The following CELF2 variants were observed in gnomAD, a reference collection of about 807,000 sequenced individuals.
The protein encoded by CELF2 is CUGBP Elav-like family member 2, also known as CUG triplet repeat RNA-binding protein 2.
CELF2 carries 8 observed loss-of-function variants against 62.6 expected under a neutral mutation model. The ratio of observed to expected loss-of-function variants is 0.13; its 90% CI spans 0.07 to 0.23. The LOEUF (loss-of-function observed/expected upper bound fraction) is 0.23. Ranked by LOEUF, CELF2 falls within the 10% of genes least tolerant of loss-of-function variation. The pLI, the probability that CELF2 is intolerant of heterozygous loss-of-function variation, is 1.00. For synonymous variants in CELF2, 258 were observed against 250.0 expected, an observed-to-expected ratio of 1.03 and a Z score of -0.30; for missense variants, 333 against 671.0, an observed-to-expected ratio of 0.50 and a Z score of 5.56.
chr10:10,603,006 A>G, the CELF2 span, among the ~76,000 whole-genome samples: 2 of 152,224 alleles, frequency 1.3e-5, no homozygotes, highest in South Asian at 2.1e-4. Flanking sequence ...GGGAAAGTAC[A>G]TTATGTTTAG....
chr10:11,035,046 C>G (rs1422720405), intron 1 of CELF2, among the ~76,000 whole-genome samples: 1 of 152,128 alleles, frequency 6.6e-6, no homozygotes, highest in African/African-American at 2.4e-5. Flanking sequence ...TTAAAAGTGT[C>G]CAAGTTTGGA....
the CELF2 span, among the ~76,000 whole-genome samples, chr10:10,499,189 C>T: frequency 6.6e-6 from 1 of 151,818 alleles, no homozygotes; most frequent in East Asian, 1.9e-4. Context: ...GCCTCAGCCT[C>T]CCAAGTAGCT....
the CELF2 span, among the ~76,000 whole-genome samples, chr10:10,656,444 C>T: frequency 1.5e-5 from 2 of 134,486 alleles, no homozygotes; most frequent in African/African-American, 5.5e-5. Flanking sequence ...CGGCATTATT[C>T]ACAATAGCAA....
chr10:11,055,641 G>A (rs1218422269), intron 1 of CELF2, among the ~76,000 whole-genome samples: 2 of 152,312 alleles, frequency 1.3e-5, no homozygotes, highest in African/African-American at 2.4e-5. Context: ...TTTCTGAAGT[G>A]GAAAGACATT....
the CELF2 span, among the ~76,000 whole-genome samples, chr10:10,694,954 G>C: frequency 6.6e-6 from 1 of 151,184 alleles, no homozygotes; most frequent in African/African-American, 2.5e-5. Flanking sequence ...GATGGGTCTT[G>C]ACTCTTTATC....
chr10:10,968,307 T>A (rs1022211213), intron 2 of CELF2, among the ~76,000 whole-genome samples: 4 of 152,214 alleles, frequency 2.6e-5, no homozygotes, highest in African/African-American at 4.8e-5. Flanking sequence ...TAGTTTTTCA[T>A]TTTCTATAAA....
the CELF2 span, among the ~76,000 whole-genome samples, chr10:10,791,743 C>A: frequency 6.6e-6 from 1 of 152,102 alleles, no homozygotes; most frequent in Non-Finnish European, 1.5e-5. Context: ...TGGACCAGCA[C>A]TGGTCTGTGG....
intron 1 of CELF2, among the ~76,000 whole-genome samples, chr10:11,026,909 G>A (rs1189187245): frequency 3.9e-5 from 6 of 152,162 alleles, no homozygotes. Context: ...ATTATAGGAG[G>A]AGTGTTGAGT....
rs963699521 is a variant in CELF2 at position 11,251,099 on chromosome 10, A to G, written c.403+1898A>G. Among the ~76,000 whole-genome samples, 4 of 152,078 alleles carry G rather than the reference A, an allele frequency of 2.6e-5. No homozygotes were observed. In the South Asian group the frequency reaches 6.2e-4, roughly 24 times the overall value. On this transcript the variant is annotated intron_variant, in intron 4 of 12. Coordinates refer to ENST00000633077, the MANE Select transcript of CELF2 (RefSeq NM_001326342.2). The stretch of plus-strand genomic sequence containing the variant: ...AGAAATGTTCCCTGCCTTTGGCTCC[A>G]TGATACTCTAAACTGTATTTAGAGT...
At chr10:10,589,393 T>C in the CELF2 span, among the ~76,000 whole-genome samples, 5 of 152,228 alleles carry the variant, frequency 3.3e-5, no homozygotes, top group Non-Finnish European at 5.9e-5. Context: ...TTGATGTTAA[T>C]GGTAATAAGG....
At chr10:11,152,904 G>C (rs966621301) in intron 1 of CELF2, among the ~76,000 whole-genome samples, 1 of 152,198 alleles carries the variant, frequency 6.6e-6, no homozygotes, top group Non-Finnish European at 1.5e-5. Flanking sequence ...GAGGTGGTGG[G>C]CTCCATCAAT....
chr10:10,949,520 G>A (rs1289061929), intron 2 of CELF2, among the ~76,000 whole-genome samples: 1 of 152,042 alleles, frequency 6.6e-6, no homozygotes, highest in African/African-American at 2.4e-5. Context: ...GGCCAGGCAT[G>A]GTGGCTCATG....
chr10:10,710,145 A>G, the CELF2 span, among the ~76,000 whole-genome samples: 3 of 152,200 alleles, frequency 2.0e-5, no homozygotes, highest in Admixed American at 1.3e-4. Flanking sequence ...TCAAACTCAT[A>G]TGGCTCTAAA....
At chr10:10,637,649 C>T in the CELF2 span, among the ~76,000 whole-genome samples, 2 of 152,192 alleles carry the variant, frequency 1.3e-5, no homozygotes, top group African/African-American at 2.4e-5. Flanking sequence ...AAACCATATT[C>T]TTCCTTGGCA....
intron 1 of CELF2, among the ~76,000 whole-genome samples, chr10:11,137,875 T>C (rs145863539): frequency 6.6e-6 from 1 of 152,332 alleles, no homozygotes; most frequent in African/African-American, 2.4e-5. Flanking sequence ...CTTCAAGTGT[T>C]CCCTTGTAAT....
the CELF2 span, among the ~76,000 whole-genome samples, chr10:10,564,586 A>T: frequency 6.7e-6 from 1 of 148,172 alleles, no homozygotes; most frequent in Non-Finnish European, 1.5e-5. Flanking sequence ...TCTGTTTCTG[A>T]CTCATTACAC....
chr10:10,843,195 AAAC>A (rs2058798024), intron 1 of CELF2, among the ~76,000 whole-genome samples: 1 of 152,090 alleles, frequency 6.6e-6, no homozygotes, highest in African/African-American at 2.4e-5. Context: ...AACAACAGAA[AAAC>A]AACAAAGAAA....
At chr10:10,866,832 A>G (rs1290988198) in intron 1 of CELF2, among the ~76,000 whole-genome samples, 1 of 150,812 alleles carries the variant, frequency 6.6e-6, no homozygotes, top group East Asian at 2.0e-4. Flanking sequence ...AGGCAGGAGA[A>G]TCGCTTGAAC....
At chr10:10,961,267 T>C (rs1431647483) in intron 2 of CELF2, among the ~76,000 whole-genome samples, 2 of 152,220 alleles carry the variant, frequency 1.3e-5, no homozygotes, top group Non-Finnish European at 2.9e-5. Flanking sequence ...CCTCATTTTA[T>C]TGGCAGAAGA....
Sources: gnomAD v4.1 joint callset for allele counts (sites outside exome capture counted in the v4.1 genomes callset) on GRCh38, gnomAD v4.1.1 for gene constraint, MANE v1.5 for transcripts, NCBI Gene and HGNC (gene_info 2026-07-23, HGNC 2026-07-21) for gene names.